The following DNAH2 variants were observed in gnomAD, a reference collection of about 807,000 sequenced individuals.
The protein encoded by DNAH2 is dynein axonemal heavy chain 2.
In DNAH2, 323 loss-of-function variants were observed where a neutral mutation model predicts 523.5. The observed-to-expected ratio is 0.62, with a 90% CI of 0.56 to 0.68. The LOEUF is 0.68. Ranked by LOEUF, DNAH2 falls within the 30% of genes least tolerant of loss-of-function variation. The pLI, the probability that DNAH2 is intolerant of heterozygous loss-of-function variation, is 0.00. For synonymous variants in DNAH2, 2,093 were observed against 2,177.4 expected, an observed-to-expected ratio of 0.96 and a Z score of 1.08; for missense variants, 4,907 against 5,701.5, an observed-to-expected ratio of 0.86 and a Z score of 4.49.
intron 77 of DNAH2, among the ~76,000 whole-genome samples, chr17:7,829,232 T>A (rs1245531636): frequency 6.6e-6 from 1 of 151,900 alleles, no homozygotes; most frequent in Non-Finnish European, 1.5e-5. Flanking sequence ...CAGGCTGGTC[T>A]CAAACTCCTG....
chr17:7,801,063 G>C (rs570051484), intron 56 of DNAH2, among the ~76,000 whole-genome samples: 2 of 151,692 alleles, frequency 1.3e-5, no homozygotes, highest in African/African-American at 2.4e-5. Context: ...TGTAGAGATG[G>C]GGTTTCGCCA....
chr17:7,734,355 C>T (rs997813486), intron 6 of DNAH2, 62 bp downstream of exon 6: 36 of 1,600,470 alleles, frequency 2.2e-5, no homozygotes, highest in Middle Eastern at 1.7e-4. Flanking sequence ...AGGGGAGGCT[C>T]GGATGCTGAC....
In DNAH2 at chr17:7,776,867, T is replaced by C; in HGVS notation, c.5036T>C (p.Leu1679Pro). The C allele has an allele frequency of 1.9e-6, 3 of 1,611,680 alleles. No individual in the cohort carries two copies. ...TAKERADKKI[L>P]KVMKKNQVSI... ...AAGGAGCGGGCAGACAAGAAAATCC[T>C]CAAGGTCATGAAGAAGAACCAGGTG... Residue 1679 changes from leucine (L) to proline (P), a missense_variant, in exon 32 of 86, where the codon CTC (leucine) becomes CCC (proline). Leu to Pro is a moderately conservative substitution (Grantham distance 98). This residue lies in a region of DNAH2 where 2,806 missense variants were observed against 3,190.8 expected (regional missense o/e 0.88). Coordinates refer to ENST00000572933, the MANE Select transcript of DNAH2 (RefSeq NM_020877.5).
intron 58 of DNAH2, among the ~76,000 whole-genome samples, chr17:7,802,223 C>T (rs941920518): frequency 6.6e-6 from 1 of 152,250 alleles, no homozygotes; most frequent in Non-Finnish European, 1.5e-5. Context: ...TCTCCACACC[C>T]TCTTGGCCCT....
intron 63 of DNAH2, among the ~76,000 whole-genome samples, chr17:7,808,349 G>A (rs1270138732): frequency 6.7e-6 from 1 of 148,274 alleles, no homozygotes; most frequent in Non-Finnish European, 1.5e-5. Flanking sequence ...GCAGCCTGGC[G>A]ACAGAGTGAG....
intron 42 of DNAH2, 137 bp downstream of exon 42, chr17:7,787,170 T>C: frequency 8.8e-7 from 1 of 1,138,378 alleles, no homozygotes; most frequent in South Asian, 1.6e-5. Context: ...ATGCCTGGAT[T>C]CAGGGAAACC....
In DNAH2 at chr17:7,786,406, TG is replaced by T. The variant is rs2076736087; in HGVS notation, c.6348+69del. 6.4e-7 allele frequency: 1 copy of T among 1,563,274 alleles called. No individual in the cohort carries two copies. On this transcript the variant is annotated intron_variant, in intron 40 of 85. Transcript: ENST00000572933. This position sits in a 1 kb window ranked among gnomAD's most constrained non-coding sequence, Gnocchi z 7.5. ...TGAGTAGTAAGAAGACAATGGAGGGTGGGGGCCAGGGAGGACCTTGCAAGGC... is the reference window on the plus strand; with the variant it reads ...TGAGTAGTAAGAAGACAATGGAGGGTGGGGCCAGGGAGGACCTTGCAAGGC...
Position 7,807,243 on chromosome 17 carries a change from C to T in DNAH2, c.9536C>T (p.Pro3179Leu). 1 of 1,613,970 alleles carries T rather than the reference C, an allele frequency of 6.2e-7. No individual in the cohort carries two copies. The highest frequency in any genetic ancestry group is 8.5e-7 in the Non-Finnish European group (1 of 1,180,044). Residue 3179 changes from proline (P) to leucine (L), a missense_variant, in exon 62 of 86, where the codon CCT (proline) becomes CTT (leucine). Transcript: ENST00000572933. This position sits in a 1 kb window ranked among gnomAD's most constrained non-coding sequence, Gnocchi z 5.6. ...LKKIGAYCAQ[P>L]DFQPDIIGRV... is the part of the protein sequence containing the mutation. ...AAGATTGGGGCCTACTGCGCCCAGC[C>T]TGACTTCCAGCCTGATATCATCGGC... is the stretch of plus-strand genomic sequence containing the variant.
rs774696498 is a variant in DNAH2, at chr17:7,804,400, G to A, written c.9117G>A (p.Gln3039=). ...EDAKKKVAEF[Q]KQCEEYLVII... ...CCAAGAAGAAGGTGGCTGAGTTCCA[G>A]AAGCAGTGTGAGGAGTACCTGGTCA... Residue 3039 remains glutamine (Q), a synonymous_variant, in exon 59 of 86, where the codon CAG becomes CAA. Coordinates refer to ENST00000572933, the MANE Select transcript of DNAH2 (RefSeq NM_020877.5). 6.2e-7 allele frequency: 1 copy of A among 1,614,082 alleles called. No homozygotes were observed. The highest frequency in any genetic ancestry group is 1.3e-5 in the African/African-American group (1 of 74,928).
At chr17:7,726,055 G>A (rs1054211516) in intron 3 of DNAH2, among the ~76,000 whole-genome samples, 3 of 151,986 alleles carry the variant, frequency 2.0e-5, no homozygotes, top group African/African-American at 7.3e-5. Flanking sequence ...GCCCAGGCTG[G>A]AGGGCAGTGG....
At chr17:7,775,042 T>G in intron 29 of DNAH2, 66 bp downstream of exon 29, 2 of 1,518,322 alleles carry the variant, frequency 1.3e-6, no homozygotes, top group South Asian at 2.3e-5. Context: ...ATGAAAAGCT[T>G]TGGAGGGGAC....
At chr17:7,749,770 G>GT (rs1281311933) in intron 12 of DNAH2, among the ~76,000 whole-genome samples, 1 of 152,104 alleles carries the variant, frequency 6.6e-6, no homozygotes, top group African/African-American at 2.4e-5. Flanking sequence ...GCTGAGGTGG[G>GT]TGGATCACGA....
rs779133537 is a variant in DNAH2, at chr17:7,804,976, G to A, written c.9202G>A (p.Glu3068Lys). The A allele has an allele frequency of 6.2e-7, 1 of 1,614,116 alleles. No homozygotes were observed. Among genetic ancestry groups the A allele is most frequent in the Non-Finnish European group, 8.5e-7 (1 of 1,180,008 alleles). The change falls in exon 60 of 86, where the codon GAA becomes AAA. Residue 3068 changes from glutamate (E) to lysine (K), a missense_variant. By Grantham distance (56) the Glu-to-Lys change is moderately conservative (BLOSUM62 1). Coordinates refer to ENST00000572933, the MANE Select transcript of DNAH2 (RefSeq NM_020877.5). ...EQQKAVTANS[E>K]KIAVEEIKCQ... ...TCCCTAGGCCGTAACAGCCAACAGTGAAAAGATTGCAGTTGAGGAAATCAA... is the reference window on the plus strand; with the variant it reads ...TCCCTAGGCCGTAACAGCCAACAGTAAAAAGATTGCAGTTGAGGAAATCAA...
In DNAH2 at chr17:7,787,019, G is replaced by T; in HGVS notation, c.6589G>T (p.Ala2197Ser). 6.2e-7 allele frequency: 1 copy of T among 1,614,076 alleles called. No individual in the cohort carries two copies. The highest frequency in any genetic ancestry group is 1.1e-5 in the South Asian group (1 of 91,084). ...GACCCTCATCAACGGCGAGCGCATCGCGATGCCCGAGCAGGTCAGGGACGC... is the reference window on the plus strand; with the variant it reads ...GACCCTCATCAACGGCGAGCGCATCTCGATGCCCGAGCAGGTCAGGGACGC... ...VLTLINGERI[A>S]MPEQVSLLFE... Residue 2197 changes from alanine to serine, a missense_variant, in exon 42 of 86, where the codon GCG becomes TCG. Ala to Ser is a moderately conservative substitution (Grantham distance 99). Coordinates refer to ENST00000572933, the MANE Select transcript of DNAH2 (RefSeq NM_020877.5).
rs780075239 is a variant in DNAH2, at chr17:7,770,863, G to A, written c.4292G>A (p.Arg1431His). 2.0e-5 allele frequency: 33 copies of A among 1,614,058 alleles called. No homozygotes were observed. The highest frequency in any genetic ancestry group is 1.6e-4 in the Middle Eastern group (1 of 6,076). ...GAGAAGGATGTGGACCACTGGGAAC[G>A]CTGCCTCTCCCTCATTTTGGAGGTT... ...AFEKDVDHWE[R>H]CLSLILEVIE... The change falls in exon 27 of 86, where the codon CGC becomes CAC. Residue 1431 changes from arginine to histidine, a missense_variant. Coordinates refer to ENST00000572933, the MANE Select transcript of DNAH2 (RefSeq NM_020877.5).
Position 7,765,420 on chromosome 17 carries a change from G to C in DNAH2, c.3366G>C (p.Gly1122=), listed in dbSNP as rs765108667. ...SVLEMLDSLN[G]EWVVFQQTLL... is the part of the protein sequence containing the mutation. ...TGGAGATGCTGGACAGTCTCAACGGGGAGTGGGTTGTCTTCCAACAAACTC... is the reference window on the plus strand; with the variant it reads ...TGGAGATGCTGGACAGTCTCAACGGCGAGTGGGTTGTCTTCCAACAAACTC... The change falls in exon 21 of 86, where the codon GGG becomes GGC. Residue 1122 remains glycine, a synonymous_variant. Coordinates refer to ENST00000572933, the MANE Select transcript of DNAH2 (RefSeq NM_020877.5). 7 of 1,613,970 alleles carry C rather than the reference G, an allele frequency of 4.3e-6. No homozygotes were observed. Among genetic ancestry groups the C allele is most frequent in the South Asian group, 1.1e-5 (1 of 91,072 alleles).
intron 39 of DNAH2, among the ~76,000 whole-genome samples, chr17:7,783,776 G>C (rs1464826056): frequency 1.3e-5 from 2 of 151,228 alleles, no homozygotes; most frequent in Non-Finnish European, 2.9e-5. Flanking sequence ...CTCCAGCCTG[G>C]GTGACAGAGT....
In DNAH2 at chr17:7,743,142, AG is replaced by A; in HGVS notation, c.1904+1del. The A allele has an allele frequency of 1.3e-6, 2 of 1,591,180 alleles. No homozygotes were observed. Among genetic ancestry groups the A allele is most frequent in the Admixed American group, 3.7e-5 (2 of 53,362 alleles). On this transcript the variant is annotated splice_donor_variant, in intron 12 of 85. Coordinates refer to ENST00000572933, the MANE Select transcript of DNAH2 (RefSeq NM_020877.5). LOFTEE classifies it high-confidence loss of function. ...GGCATGCTGGATGTCAACTTTGACA[AG>A]TACAGGAGCCACCTGGCCCCTTTTC...
In DNAH2 at chr17:7,786,864, C is replaced by A. The variant is rs758094023; in HGVS notation, c.6467-33C>A. 2 of 1,613,766 alleles carry A rather than the reference C, an allele frequency of 1.2e-6. No homozygotes were observed. The highest frequency in any genetic ancestry group is 1.7e-5 in the Admixed American group (1 of 60,000). On this transcript the variant is annotated intron_variant, in intron 41 of 85. Transcript: ENST00000572933. The surrounding 1 kb of genome is among the most constrained non-coding windows in gnomAD (Gnocchi z 7.5). Reference sequence around the variant, plus strand: ...AGCGGAGGGTGCAAGGTGAGCGGCTCCCCGGTTTCCTCATCACCCACCATC... The same window carrying A: ...AGCGGAGGGTGCAAGGTGAGCGGCTACCCGGTTTCCTCATCACCCACCATC...
Sources: gnomAD v4.1 joint callset for allele counts (sites outside exome capture counted in the v4.1 genomes callset) on GRCh38, gnomAD v4.1.1 for gene constraint, gnomAD v4.1.1 regional missense constraint, Gnocchi (gnomAD v3.1) non-coding constraint, MANE v1.5 for transcripts, NCBI Gene and HGNC (gene_info 2026-07-23, HGNC 2026-07-21) for gene names.